The following PBRM1 variants were observed in gnomAD, a reference collection of about 807,000 sequenced individuals.
PBRM1 encodes the protein protein polybromo-1.
PBRM1 carries 27 observed loss-of-function variants against 194.5 expected under a neutral mutation model. The observed-to-expected ratio is 0.14, with a 90% CI of 0.10 to 0.19. PBRM1 has a LOEUF of 0.19. Ranked by LOEUF, PBRM1 falls within the 10% of genes least tolerant of loss-of-function variation. The probability of loss-of-function intolerance (pLI) is 1.00; values close to 1 mark genes in which losing one functional copy is unlikely to be tolerated. For synonymous variants in PBRM1, 655 were observed against 693.2 expected (o/e 0.94, Z 0.87); for missense variants, 1,466 against 2,077.2 (o/e 0.71, Z 5.72).
At chr3:52,636,375 T>C (rs2095811724) in intron 10 of PBRM1, among the ~76,000 whole-genome samples, 1 of 151,984 alleles carries the variant, frequency 6.6e-6, no homozygotes, top group Admixed American at 6.6e-5. Context: ...TCCTAAACAG[T>C]GTGTAAGGAC....
chr3:52,673,650 C>T (rs1441176172), intron 2 of PBRM1, among the ~76,000 whole-genome samples: 3 of 112,148 alleles, frequency 2.7e-5, no homozygotes, highest in Non-Finnish European at 5.0e-5. Flanking sequence ...CCAGCCTGGG[C>T]AACAGAGTGG....
intron 2 of PBRM1, among the ~76,000 whole-genome samples, chr3:52,674,721 A>G (rs12496476): frequency 0.34 from 49,715 of 147,464 alleles, 9,422 homozygotes; most frequent in Admixed American, 0.46. Context: ...TTATTTTTTA[A>G]TATGTATGTA....
chr3:52,652,893 G>A (rs2096533999), intron 5 of PBRM1, among the ~76,000 whole-genome samples: 1 of 151,832 alleles, frequency 6.6e-6, no homozygotes, highest in South Asian at 2.1e-4. Flanking sequence ...AGCTACTCAG[G>A]AGGCTAAGGC....
chr3:52,574,654 G>A (rs1275904236), intron 22 of PBRM1, among the ~76,000 whole-genome samples: 1 of 152,122 alleles, frequency 6.6e-6, no homozygotes, highest in African/African-American at 2.4e-5. Context: ...ACCTAAGAAG[G>A]CCCTAAGATC....
At chr3:52,579,827 G>A (rs2090634356) in intron 20 of PBRM1, among the ~76,000 whole-genome samples, 1 of 152,092 alleles carries the variant, frequency 6.6e-6, no homozygotes, top group Non-Finnish European at 1.5e-5. Context: ...AAACTGGAGA[G>A]GATTTATCGG....
At chr3:52,582,756 G>GT (rs1430064075) in intron 20 of PBRM1, among the ~76,000 whole-genome samples, 1 of 151,848 alleles carries the variant, frequency 6.6e-6, no homozygotes, top group African/African-American at 2.4e-5. Flanking sequence ...CGGAGCACCT[G>GT]TTTGAGTACT....
chr3:52,600,844 G>A (rs1416104543), intron 17 of PBRM1, among the ~76,000 whole-genome samples: 1 of 152,134 alleles, frequency 6.6e-6, no homozygotes, highest in Admixed American at 6.5e-5. Context: ...TCACCATGTT[G>A]GCCAGGCTGG....
intron 17 of PBRM1, among the ~76,000 whole-genome samples, chr3:52,601,492 C>T (rs1392435359): frequency 6.6e-6 from 1 of 152,116 alleles, no homozygotes; most frequent in East Asian, 1.9e-4. Context: ...GAATCTAATG[C>T]CACCACTGAT....
intron 22 of PBRM1, 63 bp from the exon 25 acceptor site, chr3:52,564,296 T>C: frequency 8.5e-7 from 1 of 1,171,790 alleles, no homozygotes; most frequent in South Asian, 1.3e-5. Flanking sequence ...CTAACTGTTT[T>C]AACATTTTAT....
At chr3:52,546,903 T>C (rs1195862766), downstream of PBRM1, 3 of 233,120 alleles carry the variant, frequency 1.3e-5, no homozygotes, top group African/African-American at 2.2e-5. Context: ...AGTATTAAAT[T>C]TCTGGTTGAG....
At position 52,669,420 on chromosome 3, in the gene PBRM1, T is replaced by G. The variant is rs991476747; in HGVS notation, c.237-775A>C. On this transcript the variant is annotated intron_variant, in intron 2 of 29. Transcript: ENST00000296302. Reference sequence around the variant, plus strand: ...GTAATTTTAATGACAATTTCTTAAGTTCCCAAAATAACTTCTTGGGTTTAG... The same window carrying G: ...GTAATTTTAATGACAATTTCTTAAGGTCCCAAAATAACTTCTTGGGTTTAG... Among the ~76,000 whole-genome samples, 5 of 152,336 alleles carry G rather than the reference T, an allele frequency of 3.3e-5. No homozygotes were observed. The South Asian group carries it at 1.0e-3, about 32-fold the overall frequency.
intron 11 of PBRM1, among the ~76,000 whole-genome samples, chr3:52,631,249 T>C (rs190332793): frequency 2.2e-4 from 33 of 152,046 alleles, no homozygotes; most frequent in East Asian, 9.7e-4. Context: ...GGCGGGCAGA[T>C]TGCTTGAGCT....
Position 52,571,748 on chromosome 3 carries a change from A to G in PBRM1, c.3691+4793T>C, listed in dbSNP as rs947111071. On this transcript the variant is annotated intron_variant, in intron 22 of 29. Coordinates refer to ENST00000296302, the Ensembl canonical transcript of PBRM1. ...GAAATAGAAATATTGGGGCTAGGTA[A>G]GGTAGCTCATGCCTATAATCCCAGC... is the stretch of plus-strand genomic sequence containing the variant. 6.7e-5 allele frequency among the ~76,000 whole-genome samples: 10 copies of G among 148,602 alleles called. No homozygotes were observed. The South Asian group carries it at 1.1e-3, about 16-fold the overall frequency.
At chr3:52,575,896 G>C (rs1207691528) in intron 22 of PBRM1, among the ~76,000 whole-genome samples, 1 of 151,842 alleles carries the variant, frequency 6.6e-6, no homozygotes, top group Non-Finnish European at 1.5e-5. Flanking sequence ...TAAATGAAGA[G>C]ACAAATTATA....
At chr3:52,624,192 G>T (rs982503669) in intron 13 of PBRM1, among the ~76,000 whole-genome samples, 1 of 152,160 alleles carries the variant, frequency 6.6e-6, no homozygotes, top group Admixed American at 6.5e-5. Context: ...GACTTCATTT[G>T]TTTTCAACCT....
At chr3:52,589,756 C>T (rs13065744) in intron 17 of PBRM1, among the ~76,000 whole-genome samples, 3,109 of 152,118 alleles carry the variant, frequency 0.02, 43 homozygotes, top group Admixed American at 0.036. Flanking sequence ...TAAACTATAT[C>T]TAGTATATAT....
intron 3 of PBRM1, among the ~76,000 whole-genome samples, chr3:52,665,866 C>T (rs1260700520): frequency 2.0e-5 from 3 of 152,036 alleles, no homozygotes; most frequent in African/African-American, 7.2e-5. Flanking sequence ...GTACACAGCA[C>T]CAGCATTATA....
intron 16 of PBRM1, among the ~76,000 whole-genome samples, chr3:52,605,777 A>G (rs1178555029): frequency 2.6e-5 from 4 of 151,492 alleles, no homozygotes; most frequent in Non-Finnish European, 5.9e-5. Flanking sequence ...TAATTTTTGT[A>G]CTTTTAGTAG....
chr3:52,608,131 C>CA (rs1560312288), intron 16 of PBRM1, among the ~76,000 whole-genome samples: 1 of 149,290 alleles, frequency 6.7e-6, no homozygotes, highest in African/African-American at 2.6e-5. Flanking sequence ...TTCCCTTAAG[C>CA]GTAAGTCCTG....
Sources: gnomAD v4.1 joint callset for allele counts (sites outside exome capture counted in the v4.1 genomes callset) on GRCh38, gnomAD v4.1.1 for gene constraint, MANE v1.5 for transcripts, NCBI Gene and HGNC (gene_info 2026-07-23, HGNC 2026-07-21) for gene names.